CHL1: variants seen among roughly 807,000 people sequenced by gnomAD.
CHL1 encodes the protein cell adhesion molecule L1 like.
CHL1 carries 96 observed loss-of-function variants against 141.9 expected under a neutral mutation model. The ratio of observed to expected loss-of-function variants is 0.68; its 90% confidence interval spans 0.57 to 0.80. The LOEUF is 0.80. Ranked by LOEUF, CHL1 falls within the 30% of genes least tolerant of loss-of-function variation. CHL1 has a pLI of 0.00. For missense variants in CHL1, 1,820 were observed against 1,457.2 expected (o/e 1.25, Z -4.05); for synonymous variants, 613 against 502.2 (o/e 1.22, Z -2.95).
rs5845955 is a variant in CHL1, at chr3:239,595, A to ATATATATATATATATAT, written c.-174-5018_-174-5017insTATATATATATATATAT. On this transcript the variant is annotated intron_variant, in intron 1 of 27. Coordinates refer to ENST00000256509, the MANE Select transcript of CHL1 (RefSeq NM_006614.4). Reference sequence around the variant, plus strand: ...TAATTCATCTAAACAGTATATATATAAAATATATATATTTTAAAATTATTT... The same window carrying ATATATATATATATATAT: ...TAATTCATCTAAACAGTATATATATATATATATATATATATATAAATATATATATTTTAAAATTATTT... 3.1e-3 allele frequency among the ~76,000 whole-genome samples: 453 copies of ATATATATATATATATAT among 146,220 alleles called. 3 individuals are homozygous for ATATATATATATATATAT. Among genetic ancestry groups the ATATATATATATATATAT allele is most frequent in the African/African-American group, 6.4e-3 (254 of 39,912 alleles).
At chr3:267,814 A>G (rs1210495271) in intron 2 of CHL1, among the ~76,000 whole-genome samples, 2 of 152,232 alleles carry the variant, frequency 1.3e-5, no homozygotes, top group East Asian at 1.9e-4. Flanking sequence ...AAGAAAATAG[A>G]TTTAAAATGT....
intron 1 of CHL1, among the ~76,000 whole-genome samples, chr3:210,443 C>G (rs901631545): frequency 1.3e-5 from 2 of 152,160 alleles, no homozygotes; most frequent in Non-Finnish European, 2.9e-5. Flanking sequence ...GATGGCTTCC[C>G]TCACATGACC....
chr3:396,091 A>T (rs1400496368), intron 24 of CHL1, among the ~76,000 whole-genome samples: 3 of 152,188 alleles, frequency 2.0e-5, no homozygotes, highest in Non-Finnish European at 4.4e-5. Flanking sequence ...TATGTGGGAA[A>T]ATTGTATAAT....
At chr3:230,867 G>A (rs1701794567) in intron 1 of CHL1, among the ~76,000 whole-genome samples, 2 of 152,106 alleles carry the variant, frequency 1.3e-5, no homozygotes. Flanking sequence ...TGAGTAGTTT[G>A]AATGGCCCAG....
Position 377,926 on chromosome 3 carries a change from T to G in CHL1, c.1860T>G (p.Thr620=). Residue 620 remains threonine, a synonymous_variant, in exon 16 of 28, where the codon ACT becomes ACG. Transcript: ENST00000256509. Reference sequence around the variant, plus strand: ...CTCTAGACAGTGCTGCCGATATAACTCAAGTAACTGTTCTTGGTAAGTGCA... The same window carrying G: ...CTCTAGACAGTGCTGCCGATATAACGCAAGTAACTGTTCTTGGTAAGTGCA... ...HTALDSAADI[T]QVTVLDVPDP... The G allele has an allele frequency of 6.2e-7, 1 of 1,608,142 alleles. No individual in the cohort carries two copies.
intron 2 of CHL1, among the ~76,000 whole-genome samples, chr3:280,196 TTAG>T (rs1047131969): frequency 4.6e-5 from 7 of 151,838 alleles, no homozygotes; most frequent in African/African-American, 1.7e-4. Flanking sequence ...TAAAAAGTTC[TTAG>T]TAGAGTCTAG....
intron 1 of CHL1, among the ~76,000 whole-genome samples, chr3:225,182 A>G (rs1179542851): frequency 1.3e-5 from 2 of 152,236 alleles, no homozygotes; most frequent in Non-Finnish European, 2.9e-5. Flanking sequence ...CTAGAAGATT[A>G]TGTTAATGAA....
At chr3:270,030 A>C (rs1695498470) in intron 2 of CHL1, among the ~76,000 whole-genome samples, 1 of 152,192 alleles carries the variant, frequency 6.6e-6, no homozygotes. Context: ...AGATGTGATA[A>C]TTCCAAGGTG....
At chr3:284,909 T>G (rs1416846571) in intron 2 of CHL1, among the ~76,000 whole-genome samples, 1 of 152,232 alleles carries the variant, frequency 6.6e-6, no homozygotes, top group African/African-American at 2.4e-5. Flanking sequence ...TACAAAATTC[T>G]GCAGAATCTA....
chr3:353,661 T>A (rs1703458008), intron 10 of CHL1, among the ~76,000 whole-genome samples: 1 of 152,228 alleles, frequency 6.6e-6, no homozygotes, highest in African/African-American at 2.4e-5. Context: ...AATCCTCTTT[T>A]TCTTCCTTTA....
chr3:233,273 C>G (rs1702021119), intron 1 of CHL1, among the ~76,000 whole-genome samples: 2 of 152,078 alleles, frequency 1.3e-5, no homozygotes, highest in South Asian at 4.1e-4. Flanking sequence ...CCTTATACAC[C>G]TCATCTTCAG....
intron 5 of CHL1, among the ~76,000 whole-genome samples, chr3:328,833 G>T (rs1013003070): frequency 3.3e-5 from 5 of 152,140 alleles, no homozygotes; most frequent in Admixed American, 1.3e-4. Context: ...AAAGAGTCTG[G>T]GACGAAACAT....
chr3:217,586 C>G (rs1438080868), intron 1 of CHL1: 1 of 152,414 alleles, frequency 6.6e-6, no homozygotes, highest in African/African-American at 2.4e-5. Flanking sequence ...GAGTTCCCAG[C>G]AGAGGGGAAG....
At chr3:298,315 T>C (rs1372898468) in intron 2 of CHL1, among the ~76,000 whole-genome samples, 1 of 152,124 alleles carries the variant, frequency 6.6e-6, no homozygotes, top group Non-Finnish European at 1.5e-5. Context: ...ATTTTAATGG[T>C]ATAGGTAATC....
chr3:374,813 A>G (rs1385228127), intron 15 of CHL1, among the ~76,000 whole-genome samples: 1 of 152,228 alleles, frequency 6.6e-6, no homozygotes, highest in Non-Finnish European at 1.5e-5. Flanking sequence ...CTACAAAGCC[A>G]TATCAGTAAC....
chr3:272,660 A>G (rs905651888), intron 2 of CHL1, among the ~76,000 whole-genome samples: 4 of 152,352 alleles, frequency 2.6e-5, no homozygotes, highest in Admixed American at 2.6e-4. Context: ...AAAATAAGTT[A>G]CAGGATTAGG....
chr3:234,603 C>G (rs1691762798), intron 1 of CHL1, among the ~76,000 whole-genome samples: 1 of 152,032 alleles, frequency 6.6e-6, no homozygotes, highest in Non-Finnish European at 1.5e-5. Context: ...GACTCTGAAG[C>G]CCCCATGCTG....
rs148645330 is a variant in CHL1, at chr3:221,427, C to T, written c.-174-23186C>T. Among the ~76,000 whole-genome samples, 28 of 152,278 alleles carry T rather than the reference C, an allele frequency of 1.8e-4. No homozygotes were observed. The East Asian group carries it at 4.2e-3, about 23-fold the overall frequency. The stretch of plus-strand genomic sequence containing the variant: ...TCGATATCAACTTTTGTTTCAGCTC[C>T]AGATTAAAAGGTGAGCCTATTAGAG... On this transcript the variant is annotated intron_variant, in intron 1 of 27. Transcript: ENST00000256509.
At chr3:220,381 A>T (rs1212660489) in intron 1 of CHL1, among the ~76,000 whole-genome samples, 1 of 152,152 alleles carries the variant, frequency 6.6e-6, no homozygotes, top group Admixed American at 6.5e-5. Flanking sequence ...AGGTGGAAGG[A>T]TCTCTTGAGC....
Sources: allele counts gnomAD v4.1 joint callset (sites outside exome capture counted in the v4.1 genomes callset), GRCh38; gene constraint gnomAD v4.1.1; transcripts MANE v1.5; gene names NCBI Gene and HGNC (gene_info 2026-07-23, HGNC 2026-07-21).